REELD1: variants seen among roughly 807,000 people sequenced by gnomAD.
REELD1 encodes reeler domain containing 1.
A neutral mutation model predicts 6.3 loss-of-function variants in REELD1; 12 were observed. The observed-to-expected ratio is 1.89, with a 90% CI of 1.21 to 3.07. The LOEUF (loss-of-function observed/expected upper bound fraction) is 3.07, where lower values mean the gene tolerates loss of function less well. REELD1 is among the 30% of genes most tolerant of loss of function. The pLI is 0.00. For synonymous variants in REELD1, 57 were observed against 33.6 expected (o/e 1.70, Z -2.42); for missense variants, 163 against 86.8 (o/e 1.88, Z -3.49).
At chr4:146,221,652 A>G (rs1730924060) in intron 3 of REELD1, among the ~76,000 whole-genome samples, 1 of 152,186 alleles carries the variant, frequency 6.6e-6, no homozygotes, top group Non-Finnish European at 1.5e-5. Context: ...CAAGGTCAAG[A>G]GATCGAGACC....
intron 3 of REELD1, among the ~76,000 whole-genome samples, chr4:146,219,390 C>A (rs962574134): frequency 1.3e-5 from 2 of 152,172 alleles, no homozygotes; most frequent in East Asian, 1.9e-4. Flanking sequence ...GTTTTCTTGC[C>A]GGGATCTGTG....
rs1378794122 is a variant in REELD1, at chr4:146,219,799, T to G, written c.209-2558T>G. ...TGCACCTCTTTTCAGAAGTTTTCCA[T>G]GCATTTAAGCATATGTGAGTGAGAT... On this transcript the variant is annotated intron_variant, in intron 3 of 7. Transcript: ENST00000623665. 2.0e-5 allele frequency among the ~76,000 whole-genome samples: 3 copies of G among 152,222 alleles called. No individual in the cohort carries two copies. The East Asian group carries it at 5.8e-4, about 29-fold the overall frequency.
chr4:146,221,234 C>T (rs1462982981), intron 3 of REELD1, among the ~76,000 whole-genome samples: 1 of 152,228 alleles, frequency 6.6e-6, no homozygotes, highest in East Asian at 1.9e-4. Flanking sequence ...AACTTTAAAT[C>T]TTCTTTCCAT....
At position 146,215,073 on chromosome 4, in the gene REELD1, A is replaced by C. The variant is rs1730800201; in HGVS notation, c.-134-3A>C. ...TCATTTCATTTCTTTCTTTTCTTTT[A>C]AGAGACAGGGTCTTGCTCTGTACCC... On this transcript the variant is annotated splice_polypyrimidine_tract_variant and splice_region_variant and intron_variant, in intron 1 of 7. Transcript: ENST00000623665. 6.6e-6 allele frequency: 1 copy of C among 152,066 alleles called. No individual in the cohort carries two copies. Among genetic ancestry groups the C allele is most frequent in the Non-Finnish European group, 1.5e-5 (1 of 68,120 alleles). 9.4% of individuals were successfully genotyped at this position (152,066 alleles called of 1,614,324 possible).
chr4:146,225,299 G>A (rs917106240), intron 5 of REELD1, among the ~76,000 whole-genome samples: 3 of 152,178 alleles, frequency 2.0e-5, no homozygotes, highest in Non-Finnish European at 4.4e-5. Context: ...CTAGTTAAGT[G>A]CTATGAACAC....
intron 3 of REELD1, among the ~76,000 whole-genome samples, chr4:146,220,462 T>C (rs1180427966): frequency 6.6e-6 from 1 of 152,212 alleles, no homozygotes; most frequent in Admixed American, 6.5e-5. Flanking sequence ...ACTTAATGAA[T>C]AAAGACACTT....
chr4:146,222,970 G>T (rs1730950452), intron 4 of REELD1, among the ~76,000 whole-genome samples: 1 of 152,142 alleles, frequency 6.6e-6, no homozygotes, highest in Non-Finnish European at 1.5e-5. Context: ...CCCAGGAAAA[G>T]CTTCTTGAGG....
At chr4:146,221,418 A>C (rs1730920443) in intron 3 of REELD1, among the ~76,000 whole-genome samples, 1 of 152,254 alleles carries the variant, frequency 6.6e-6, no homozygotes, top group Admixed American at 6.5e-5. Flanking sequence ...GTTACACCAC[A>C]AAAAGTTGGA....
chr4:146,230,067 C>G lies in REELD1; in HGVS notation c.1135C>G (p.Pro379Ala), dbSNP rs1446866935. Residue 379 changes from proline to alanine, a missense_variant, in exon 8 of 8, where the codon CCT becomes GCT. Transcript: ENST00000623665. The stretch of plus-strand genomic sequence containing the variant: ...CCAGACCTCTGGCACTTCTGGGCTA[C>G]CTGCTGCTGGTGACCAGTCAGAGGC... ...VLQTSGTSGL[P>A]AAGDQSEASR... 1 of 398,728 alleles carries G rather than the reference C, an allele frequency of 2.5e-6. No individual in the cohort carries two copies. The highest frequency in any genetic ancestry group is 2.1e-5 in the African/African-American group (1 of 48,648). The allele number at this position is 398,728 out of a possible 1,614,324, so 24.7% of individuals were successfully genotyped here.
chr4:146,218,873 G>A (rs1487738516), intron 3 of REELD1, among the ~76,000 whole-genome samples: 1 of 152,178 alleles, frequency 6.6e-6, no homozygotes, highest in Non-Finnish European at 1.5e-5. Context: ...TGTCAGCCAG[G>A]CATGGTGGCT....
At chr4:146,221,360 C>CATGTATCAGA (rs1180027333) in intron 3 of REELD1, among the ~76,000 whole-genome samples, 1 of 152,192 alleles carries the variant, frequency 6.6e-6, no homozygotes, top group Non-Finnish European at 1.5e-5. Context: ...GATAAGGTAG[C>CATGTATCAGA]ATGTATCAGA....
At chr4:146,226,788 T>G (rs1731031113) in intron 5 of REELD1, among the ~76,000 whole-genome samples, 1 of 152,224 alleles carries the variant, frequency 6.6e-6, no homozygotes, top group Admixed American at 6.5e-5. Flanking sequence ...TAATTAATTT[T>G]GAGACAGAAT....
intron 5 of REELD1, among the ~76,000 whole-genome samples, chr4:146,227,169 CTAT>C (rs200110353): frequency 0.026 from 3,923 of 152,346 alleles, 182 homozygotes; most frequent in African/African-American, 0.09. Flanking sequence ...TCTCCAACAA[CTAT>C]AACAATACCC....
chr4:146,228,995 T>C lies in REELD1; in HGVS notation c.909-30T>C, dbSNP rs1371142998. On this transcript the variant is annotated intron_variant, in intron 6 of 7. Coordinates refer to ENST00000623665, the MANE Select transcript of REELD1 (RefSeq NM_001354631.1). The stretch of plus-strand genomic sequence containing the variant: ...CTTTTTGGTCCAAAACTTAATGACC[T>C]GTTTTCAGCCCTTCCATTCTTCCCT... 1.1e-5 allele frequency: 8 copies of C among 701,906 alleles called. No homozygotes were observed. In the East Asian group the frequency reaches 1.3e-4, roughly 12 times the overall value. 43.5% of individuals were successfully genotyped at this position (701,906 alleles called of 1,614,324 possible). A position where few individuals can be genotyped will look rare whatever the true frequency, so the allele number is the denominator to read the frequency against.
rs1171355670 is a variant in REELD1, at chr4:146,228,226, C to T, written c.612C>T (p.Ile204=). The part of the protein sequence containing the change: ...EGAAPAPRTP[I]TLPQQHTHVF... ...TCTGCTTAGCTCCCAGGACCCCCAT[C>T]ACTCTTCCACAGCAGCACACACATG... The change falls in exon 6 of 8, where the codon ATC becomes ATT. Residue 204 remains isoleucine, a synonymous_variant. Transcript: ENST00000623665. 5.7e-6 allele frequency: 4 copies of T among 702,050 alleles called. No homozygotes were observed. In the African/African-American group the frequency reaches 7.0e-5, roughly 12 times the overall value. The allele number at this position is 702,050 out of a possible 1,614,324, so 43.5% of individuals were successfully genotyped here.
intron 7 of REELD1, 131 bp downstream of exon 7, chr4:146,229,219 C>A: frequency 1.7e-6 from 1 of 603,748 alleles, no homozygotes; most frequent in Admixed American, 2.7e-5. Context: ...GTACAATATA[C>A]ACACAGTGTC....
Position 146,231,691 on chromosome 4 carries a change from C to T in REELD1, c.*1178C>T, listed in dbSNP as rs2110929670. Among the ~76,000 whole-genome samples, 1 of 152,316 alleles carries T rather than the reference C, an allele frequency of 6.6e-6. No homozygotes were observed. Among genetic ancestry groups the T allele is most frequent in the South Asian group, 2.1e-4 (1 of 4,824 alleles). ...GTGCTAAGTAGTTTGCGTATATCTT[C>T]ACATTTAACTCTCACAAAAATTTAA... is the stretch of plus-strand genomic sequence containing the variant. On this transcript the variant is annotated 3_prime_UTR_variant, in exon 8 of 8. Transcript: ENST00000623665.
chr4:146,228,580 G>T, intron 6 of REELD1, 58 bp downstream of exon 6: 6 of 637,052 alleles, frequency 9.4e-6, no homozygotes, highest in Non-Finnish European at 1.7e-5. Context: ...GAACACTGGA[G>T]TGCATCATGT....
chr4:146,227,840 G>A (rs554744086), intron 5 of REELD1, among the ~76,000 whole-genome samples: 79 of 152,268 alleles, frequency 5.2e-4, no homozygotes, highest in African/African-American at 1.8e-3. Flanking sequence ...AAGATCTAGG[G>A]CTTTGAAAAG....
Sources: allele counts gnomAD v4.1 joint callset (sites outside exome capture counted in the v4.1 genomes callset), GRCh38; gene constraint gnomAD v4.1.1; transcripts MANE v1.5; gene names NCBI Gene and HGNC (gene_info 2026-07-23, HGNC 2026-07-21).